Variants in DAB1 observed in about 807,000 individuals in gnomAD.
DAB1 encodes the protein disabled homolog 1.
Under a neutral mutation model 64.6 loss-of-function variants are expected in DAB1, and 15 were observed. The observed-to-expected ratio is 0.23, with a 90% CI of 0.16 to 0.36. The LOEUF is 0.36. Among genes scored for constraint, DAB1 ranks in the 10% least tolerant of loss-of-function variants. The pLI, the probability that DAB1 is intolerant of heterozygous loss-of-function variation, is 1.00. For synonymous variants in DAB1, 235 were observed against 251.9 expected, an observed-to-expected ratio of 0.93 and a Z score of 0.64; for missense variants, 596 against 706.7, an observed-to-expected ratio of 0.84 and a Z score of 1.78.
chr1:58,489,990 G>A (rs1645650306), intron 3 of DAB1, among the ~76,000 whole-genome samples: 2 of 152,158 alleles, frequency 1.3e-5, no homozygotes, highest in Non-Finnish European at 1.5e-5. Context: ...TAAAGATGGG[G>A]AAAAAACAGA....
In DAB1 at chr1:57,957,724, A is replaced by C. The variant is rs893613982; in HGVS notation, n.388-73562T>G. On this transcript the variant is annotated intron_variant and non_coding_transcript_variant, in intron 5 of 20. Coordinates refer to the DAB1 transcript ENST00000485760. ...ACTGAGGATTGGTCAACGAGGTAGAAAGAAAAACCTCTGATGGAATTGCAA... is the reference window on the plus strand; with the variant it reads ...ACTGAGGATTGGTCAACGAGGTAGACAGAAAAACCTCTGATGGAATTGCAA... Among the ~76,000 whole-genome samples the C allele has an allele frequency of 2.6e-5, 4 of 152,314 alleles. No individual in the cohort carries two copies. The South Asian group carries it at 8.3e-4, about 32-fold the overall frequency.
At chr1:57,601,338 C>A (rs753479473) in intron 7 of DAB1, among the ~76,000 whole-genome samples, 1 of 152,126 alleles carries the variant, frequency 6.6e-6, no homozygotes, top group African/African-American at 2.4e-5. Flanking sequence ...CTTTGGGAGG[C>A]CAAGGCAGGC....
chr1:57,140,071 A>G (rs1658453394), intron 3 of DAB1, among the ~76,000 whole-genome samples: 1 of 152,148 alleles, frequency 6.6e-6, no homozygotes, highest in South Asian at 2.1e-4. Context: ...TGACGGGCTC[A>G]TCTCCCCACA....
chr1:58,311,131 C>T (rs894149246), intron 4 of DAB1, among the ~76,000 whole-genome samples: 1 of 152,118 alleles, frequency 6.6e-6, no homozygotes, highest in African/African-American at 2.4e-5. Context: ...ACATCTAAGT[C>T]CTTGGCCTGC....
intron 11 of DAB1, among the ~76,000 whole-genome samples, chr1:57,022,566 A>G (rs1646655224): frequency 6.6e-6 from 1 of 152,264 alleles, no homozygotes; most frequent in Non-Finnish European, 1.5e-5. Context: ...AGAACAGGGT[A>G]TGCATTTTTA....
intron 6 of DAB1, among the ~76,000 whole-genome samples, chr1:57,759,618 T>C (rs1158262567): frequency 6.6e-6 from 1 of 152,164 alleles, no homozygotes; most frequent in Non-Finnish European, 1.5e-5. Context: ...TCATTTTGTT[T>C]TTTCTAATTG....
At chr1:58,192,769 A>G (rs936208944) in intron 4 of DAB1, among the ~76,000 whole-genome samples, 1 of 152,220 alleles carries the variant, frequency 6.6e-6, no homozygotes, top group African/African-American at 2.4e-5. Context: ...CAATAAATAT[A>G]TAAGTGTAGG....
At chr1:57,746,312 A>G (rs376086006) in intron 6 of DAB1, among the ~76,000 whole-genome samples, 1 of 152,130 alleles carries the variant, frequency 6.6e-6, no homozygotes, top group African/African-American at 2.4e-5. Context: ...TTATCAATGT[A>G]TATTTCTTCA....
chr1:58,492,869 C>G (rs948085103), intron 3 of DAB1, among the ~76,000 whole-genome samples: 2 of 152,182 alleles, frequency 1.3e-5, no homozygotes, highest in Non-Finnish European at 2.9e-5. Flanking sequence ...CCTTCTGAAA[C>G]TATTCCAATC....
At chr1:58,374,338 T>C (rs1275622890) in intron 3 of DAB1, among the ~76,000 whole-genome samples, 1 of 113,422 alleles carries the variant, frequency 8.8e-6, no homozygotes, top group Non-Finnish European at 1.8e-5. Context: ...CTTTAATCCA[T>C]CTTGAATTGA....
chr1:58,405,296 G>A (rs1644605141), intron 3 of DAB1, among the ~76,000 whole-genome samples: 1 of 152,138 alleles, frequency 6.6e-6, no homozygotes, highest in South Asian at 2.1e-4. Context: ...TGGAAGCAGA[G>A]TCCTCCCAGT....
chr1:58,546,073 T>C (rs1043666873), intron 1 of DAB1, among the ~76,000 whole-genome samples: 1 of 152,194 alleles, frequency 6.6e-6, no homozygotes, highest in East Asian at 1.9e-4. Context: ...AATAAAACTG[T>C]TGCTCCACAC....
intron 6 of DAB1, among the ~76,000 whole-genome samples, chr1:57,665,849 CTGTGTGTGTGTG>C (rs397862533): frequency 5.1e-5 from 7 of 137,174 alleles, no homozygotes; most frequent in South Asian, 2.5e-4. Flanking sequence ...TTTTAATTAT[CTGTGTGTGTGTG>C]TGTGTGTGTG....
At chr1:57,814,683 G>C (rs571486037) in intron 6 of DAB1, among the ~76,000 whole-genome samples, 1 of 152,318 alleles carries the variant, frequency 6.6e-6, no homozygotes, top group East Asian at 1.9e-4. Flanking sequence ...AGAACTTCCT[G>C]TTATCAAGGG....
chr1:58,478,771 G>T (rs1472873500), intron 3 of DAB1, among the ~76,000 whole-genome samples: 1 of 152,160 alleles, frequency 6.6e-6, no homozygotes, highest in Non-Finnish European at 1.5e-5. Flanking sequence ...AAAAGATCGG[G>T]TTGAGTTTGT....
intron 6 of DAB1, among the ~76,000 whole-genome samples, chr1:57,707,521 TTC>T (rs1356981075): frequency 6.6e-6 from 1 of 152,158 alleles, no homozygotes; most frequent in East Asian, 1.9e-4. Flanking sequence ...AGGTTTTCAT[TTC>T]TCTGGGGATG....
chr1:57,421,386 C>A (rs552496720), intron 1 of DAB1, among the ~76,000 whole-genome samples: 22 of 152,236 alleles, frequency 1.4e-4, no homozygotes, highest in African/African-American at 4.1e-4. Context: ...CTATTCAGAC[C>A]TCAAGCAAAC....
chr1:58,028,431 A>G (rs773465032), intron 5 of DAB1, among the ~76,000 whole-genome samples: 2 of 152,170 alleles, frequency 1.3e-5, no homozygotes, highest in Non-Finnish European at 2.9e-5. Context: ...AGCATACCCC[A>G]TGTGTTTTAT....
At chr1:57,677,961 C>T (rs550146964) in intron 6 of DAB1, among the ~76,000 whole-genome samples, 1 of 152,122 alleles carries the variant, frequency 6.6e-6, no homozygotes, top group African/African-American at 2.4e-5. Flanking sequence ...CTCAGCTACA[C>T]GTTGGAATCA....
Sources: gnomAD v4.1 joint callset for allele counts (sites outside exome capture counted in the v4.1 genomes callset) on GRCh38, gnomAD v4.1.1 for gene constraint, MANE v1.5 for transcripts, NCBI Gene and HGNC (gene_info 2026-07-23, HGNC 2026-07-21) for gene names.